The following ASF1B variants were observed in gnomAD, a reference collection of about 807,000 sequenced individuals.
The protein encoded by ASF1B is histone chaperone ASF1B.
In ASF1B, 10 loss-of-function variants were observed where a neutral mutation model predicts 16.6. The observed-to-expected ratio is 0.60, with a 90% CI of 0.37 to 1.02. The LOEUF is 1.02. ASF1B is among the 50% of genes least tolerant of loss of function. The pLI is 0.01. For synonymous variants in ASF1B, 101 were observed against 106.2 expected, an observed-to-expected ratio of 0.95 and a Z score of 0.30; for missense variants, 240 against 266.0, an observed-to-expected ratio of 0.90 and a Z score of 0.68.
rs961699743 is a variant in ASF1B at position 14,136,379 on chromosome 19, G to T, written c.78C>A (p.Ile26=). ...CCAGGGCTTCACTGCACTCGAAGCT[G>T]ATCTCGAACCGGAAGGGGCTGTGGA... The part of the protein sequence containing the change: ...SPFHSPFRFE[I]SFECSEALAD... Residue 26 remains isoleucine, a synonymous_variant, in exon 1 of 4, where the codon ATC becomes ATA. Coordinates refer to ENST00000263382, the MANE Select transcript of ASF1B (RefSeq NM_018154.3). 24 of 1,613,632 alleles carry T rather than the reference G, an allele frequency of 1.5e-5. No homozygotes were observed. The highest frequency in any genetic ancestry group is 1.9e-5 in the Non-Finnish European group (22 of 1,179,622).
chr19:14,127,223 T>C (rs570930434), intron 1 of ASF1B, among the ~76,000 whole-genome samples: 105 of 152,358 alleles, frequency 6.9e-4, no homozygotes, highest in Admixed American at 1.3e-3. Flanking sequence ...TTCTGTCTTG[T>C]AAGCCTAGCT....
intron 2 of ASF1B, among the ~76,000 whole-genome samples, chr19:14,124,343 G>A (rs963401651): frequency 6.6e-6 from 1 of 151,438 alleles, no homozygotes; most frequent in African/African-American, 2.4e-5. Context: ...TTGTAGAGAT[G>A]GGGGTCTCGC....
chr19:14,133,795 C>T (rs1283794676), intron 1 of ASF1B, among the ~76,000 whole-genome samples: 1 of 145,198 alleles, frequency 6.9e-6, no homozygotes, highest in African/African-American at 2.7e-5. Flanking sequence ...GACCGCACAA[C>T]CATTTTTTTT....
At chr19:14,124,504 C>T (rs955470268) in intron 2 of ASF1B, among the ~76,000 whole-genome samples, 2 of 152,126 alleles carry the variant, frequency 1.3e-5, no homozygotes, top group African/African-American at 4.8e-5. Flanking sequence ...AGTTACAGTC[C>T]ATCCTCATTA....
chr19:14,122,413 T>A lies in ASF1B; in HGVS notation c.226-705A>T, dbSNP rs1967253878. On this transcript the variant is annotated intron_variant, in intron 2 of 3. Coordinates refer to ENST00000263382, the MANE Select transcript of ASF1B (RefSeq NM_018154.3). ...TCTGGCCTCCCTCTGTTACCCAGGCTGGAGTGCAATGGCGCCATCATGGCT... is the reference window on the plus strand; with the variant it reads ...TCTGGCCTCCCTCTGTTACCCAGGCAGGAGTGCAATGGCGCCATCATGGCT... 3.3e-5 allele frequency among the ~76,000 whole-genome samples: 5 copies of A among 151,902 alleles called. No individual in the cohort carries two copies. In the South Asian group the frequency reaches 8.3e-4, roughly 25 times the overall value.
At chr19:14,124,533 G>T (rs1967289583) in intron 2 of ASF1B, among the ~76,000 whole-genome samples, 1 of 152,134 alleles carries the variant, frequency 6.6e-6, no homozygotes, top group African/African-American at 2.4e-5. Flanking sequence ...TTCCATATGT[G>T]CAAGTTCACC....
At chr19:14,126,686 G>T (rs1967323626) in intron 1 of ASF1B, among the ~76,000 whole-genome samples, 1 of 152,118 alleles carries the variant, frequency 6.6e-6, no homozygotes, top group African/African-American at 2.4e-5. Context: ...TGATCAGGCT[G>T]GTTTAGAACT....
intron 2 of ASF1B, among the ~76,000 whole-genome samples, chr19:14,124,732 A>C (rs1026327628): frequency 6.6e-6 from 1 of 152,012 alleles, no homozygotes; most frequent in African/African-American, 2.4e-5. Context: ...CTCAGCTCTC[A>C]CTGTGAATGA....
intron 2 of ASF1B, among the ~76,000 whole-genome samples, chr19:14,125,351 AT>A: frequency 6.6e-6 from 1 of 151,764 alleles, no homozygotes; most frequent in South Asian, 2.1e-4. Context: ...CTAACCCTGT[AT>A]TTCCCCTGGG....
chr19:14,119,890 A>G lies in ASF1B; in HGVS notation c.*569T>C, dbSNP rs1177164277. Reference sequence around the variant, plus strand: ...AGGAAAGGCAACATGGTTCCTCAGCATCCTGCTGATCACACCTCTGGGAGG... The same window carrying G: ...AGGAAAGGCAACATGGTTCCTCAGCGTCCTGCTGATCACACCTCTGGGAGG... On this transcript the variant is annotated 3_prime_UTR_variant, in exon 4 of 4. Coordinates refer to ENST00000263382, the MANE Select transcript of ASF1B (RefSeq NM_018154.3). The G allele has an allele frequency of 6.6e-6, 1 of 152,476 alleles. No homozygotes were observed. The highest frequency in any genetic ancestry group is 2.4e-5 in the African/African-American group (1 of 41,466). The allele number at this position is 152,476 out of a possible 1,614,324, so 9.4% of individuals were successfully genotyped here.
rs553884870 is a variant in ASF1B at position 14,123,877 on chromosome 19, G to A, written c.226-2169C>T. 6.1e-5 allele frequency among the ~76,000 whole-genome samples: 9 copies of A among 148,174 alleles called. No individual in the cohort carries two copies. The South Asian group carries it at 1.5e-3, about 25-fold the overall frequency. ...GCAATCTCAGCTCACTGTAACTTCC[G>A]CCCCCTGGATTCAAATAATTCTCGT... On this transcript the variant is annotated intron_variant, in intron 2 of 3. Transcript: ENST00000263382.
At chr19:14,133,776 C>T (rs1217648033) in intron 1 of ASF1B, among the ~76,000 whole-genome samples, 2 of 150,664 alleles carry the variant, frequency 1.3e-5, no homozygotes, top group Non-Finnish European at 2.9e-5. Context: ...AGTAGAAGTA[C>T]CAGATAATGA....
rs1967211420 is a variant in ASF1B, at chr19:14,120,172, TGCACAGTG to T, written c.*279_*286del. 1 of 386,850 alleles carries T rather than the reference TGCACAGTG, an allele frequency of 2.6e-6. No homozygotes were observed. The allele number at this position is 386,850 out of a possible 1,614,324, so 24.0% of individuals were successfully genotyped here. ...GCTTTGGATCAATGGTACTCAAGGG[TGCACAGTG>T]GCACAGTGGCCTTAGTTAGAATTTA... is the stretch of plus-strand genomic sequence containing the variant. On this transcript the variant is annotated 3_prime_UTR_variant, in exon 4 of 4. Transcript: ENST00000263382.
At chr19:14,128,631 G>A (rs1016295998) in intron 1 of ASF1B, among the ~76,000 whole-genome samples, 2 of 152,104 alleles carry the variant, frequency 1.3e-5, no homozygotes, top group African/African-American at 4.8e-5. Flanking sequence ...TGTGCCACAC[G>A]CCCAGGGAAT....
Position 14,129,678 on chromosome 19 carries a change from C to CAAAAAAAA in ASF1B, c.110-3449_110-3442dup, listed in dbSNP as rs549023648. Reference sequence around the variant, plus strand: ...CCTGGGCAACAGAGCCAGCCTCCGTCAAAAAAAAAAAAAAAAAAAAAAAAA... The same window carrying CAAAAAAAA: ...CCTGGGCAACAGAGCCAGCCTCCGTCAAAAAAAAAAAAAAAAAAAAAAAAAAAAAAAAA... On this transcript the variant is annotated intron_variant, in intron 1 of 3. Transcript: ENST00000263382. Among the ~76,000 whole-genome samples the CAAAAAAAA allele has an allele frequency of 1.8e-3, 62 of 34,608 alleles. 2 individuals carry two copies. The highest frequency in any genetic ancestry group is 2.5e-3 in the South Asian group (1 of 408). The allele number at this position is 34,608 out of a possible 152,430, so 22.7% of individuals were successfully genotyped here.
chr19:14,123,782 G>C (rs942267012), intron 2 of ASF1B, among the ~76,000 whole-genome samples: 1 of 147,144 alleles, frequency 6.8e-6, no homozygotes, highest in Admixed American at 6.8e-5. Context: ...GCTCAAGCGA[G>C]CCTATTTTTT....
At chr19:14,133,805 T>TTTTG in intron 1 of ASF1B, among the ~76,000 whole-genome samples, 1 of 126,166 alleles carries the variant, frequency 7.9e-6, no homozygotes, top group African/African-American at 3.5e-5. Flanking sequence ...CCATTTTTTT[T>TTTTG]TTTTTTTTTT....
In ASF1B at chr19:14,136,303, G is replaced by C. The variant is rs982460833; in HGVS notation, c.109+45C>G. On this transcript the variant is annotated intron_variant, in intron 1 of 3. Coordinates refer to ENST00000263382, the MANE Select transcript of ASF1B (RefSeq NM_018154.3). ...GGGAGCGGTTCTCTGAGGGGAGGCC[G>C]GGGTCGGCCCGGGGGTGGGGGTCCC... is the stretch of plus-strand genomic sequence containing the variant. 4 of 1,562,702 alleles carry C rather than the reference G, an allele frequency of 2.6e-6. No homozygotes were observed. In the African/African-American group the frequency reaches 5.4e-5, roughly 21 times the overall value.
At position 14,121,670 on chromosome 19, in the gene ASF1B, A is replaced by C; in HGVS notation, c.264T>G (p.Asp88Glu). Reference protein sequence around the residue: ...APNPSLIPETDAVGVTVVLIT... With the variant: ...APNPSLIPETEAVGVTVVLIT... ...TGAGGACCACAGTCACACCCACGGC[A>C]TCAGTCTCTGGGATGAGGGATGGGT... The change falls in exon 3 of 4, where the codon GAT becomes GAG. Residue 88 changes from aspartate (D) to glutamate (E), a missense_variant. Transcript: ENST00000263382. 1 of 1,613,968 alleles carries C rather than the reference A, an allele frequency of 6.2e-7. No homozygotes were observed. Among genetic ancestry groups the C allele is most frequent in the Non-Finnish European group, 8.5e-7 (1 of 1,179,928 alleles).
Sources: allele counts gnomAD v4.1 joint callset (sites outside exome capture counted in the v4.1 genomes callset), GRCh38; gene constraint gnomAD v4.1.1; transcripts MANE v1.5; gene names NCBI Gene and HGNC (gene_info 2026-07-23, HGNC 2026-07-21).